Variants in CLVS2 observed in about 807,000 individuals in gnomAD.
CLVS2 encodes clavesin-2.
A neutral mutation model predicts 29.0 loss-of-function variants in CLVS2; 19 were observed. The ratio of observed to expected loss-of-function variants is 0.66; its 90% confidence interval spans 0.46 to 0.96. CLVS2 has a LOEUF of 0.96. Ranked by LOEUF, CLVS2 falls within the 40% of genes least tolerant of loss-of-function variation. CLVS2 has a pLI of 0.00. For synonymous variants in CLVS2, 161 were observed against 151.3 expected (o/e 1.06, Z -0.47); for missense variants, 294 against 404.1 (o/e 0.73, Z 2.34).
rs1448176290 is a variant in CLVS2, at chr6:123,070,896, A to G, written c.*7135A>G. On this transcript the variant is annotated 3_prime_UTR_variant, in exon 6 of 6. Coordinates refer to ENST00000275162, the MANE Select transcript of CLVS2 (RefSeq NM_001010852.4). ...CTGTTCCCTTTGCCTCTAATTTCAG[A>G]TATCCACGTGGTTTATTCCCTCATC... The G allele has an allele frequency of 6.6e-6, 1 of 151,738 alleles. No homozygotes were observed. 9.4% of individuals were successfully genotyped at this position (151,738 alleles called of 1,614,324 possible).
chr6:123,023,567 G>A (rs537508296), intron 3 of CLVS2, among the ~76,000 whole-genome samples: 2 of 152,162 alleles, frequency 1.3e-5, no homozygotes, highest in South Asian at 4.1e-4. Context: ...GATGTACTGT[G>A]ATTTGAGTTT....
intron 3 of CLVS2, among the ~76,000 whole-genome samples, chr6:123,044,227 A>G (rs1775275846): frequency 6.6e-6 from 1 of 152,230 alleles, no homozygotes; most frequent in South Asian, 2.1e-4. Flanking sequence ...AGAACTGTGT[A>G]GCCAGCAAGT....
intron 3 of CLVS2, among the ~76,000 whole-genome samples, chr6:123,037,096 A>C (rs939807205): frequency 3.3e-5 from 5 of 151,840 alleles, no homozygotes; most frequent in African/African-American, 7.3e-5. Flanking sequence ...GCTTTTCTAC[A>C]TCTCTACCGT....
At chr6:123,025,899 A>G (rs1335083929) in intron 3 of CLVS2, among the ~76,000 whole-genome samples, 2 of 152,106 alleles carry the variant, frequency 1.3e-5, no homozygotes, top group African/African-American at 4.8e-5. Flanking sequence ...CTCCCTGATA[A>G]AATTTCTGTA....
In CLVS2 at chr6:123,052,729, G is replaced by A. The variant is rs192448496; in HGVS notation, c.676-3077G>A. Among the ~76,000 whole-genome samples, 29 of 151,058 alleles carry A rather than the reference G, an allele frequency of 1.9e-4. No individual in the cohort carries two copies. The East Asian group carries it at 4.3e-3, about 22-fold the overall frequency. ...GTTGAAAGTTTTGGTCTGAGAAAGTGGAAGAATAGTGACACCATTAACTGA... is the reference window on the plus strand; with the variant it reads ...GTTGAAAGTTTTGGTCTGAGAAAGTAGAAGAATAGTGACACCATTAACTGA... On this transcript the variant is annotated intron_variant, in intron 4 of 5. Coordinates refer to ENST00000275162, the MANE Select transcript of CLVS2 (RefSeq NM_001010852.4).
intron 3 of CLVS2, among the ~76,000 whole-genome samples, chr6:123,023,561 T>C (rs2114324413): frequency 6.6e-6 from 1 of 152,252 alleles, no homozygotes; most frequent in South Asian, 2.1e-4. Context: ...AGAATTGATG[T>C]ACTGTGATTT....
intron 2 of CLVS2, among the ~76,000 whole-genome samples, chr6:123,002,528 C>T (rs1225073193): frequency 6.6e-6 from 1 of 151,628 alleles, no homozygotes; most frequent in Non-Finnish European, 1.5e-5. Flanking sequence ...ATAGACTACA[C>T]AGATGGGCAT....
intron 3 of CLVS2, among the ~76,000 whole-genome samples, chr6:123,025,724 C>G (rs981610073): frequency 7.2e-5 from 11 of 152,162 alleles, no homozygotes; most frequent in African/African-American, 2.2e-4. Flanking sequence ...GTTCAATGCA[C>G]AAGTACAAAT....
intron 4 of CLVS2, among the ~76,000 whole-genome samples, chr6:123,049,870 C>T (rs1488230092): frequency 6.6e-6 from 1 of 151,424 alleles, no homozygotes; most frequent in Non-Finnish European, 1.5e-5. Context: ...ATAGGTGCAG[C>T]ACACCAACAT....
chr6:123,000,833 G>A (rs1331791773), intron 2 of CLVS2, among the ~76,000 whole-genome samples: 2 of 152,168 alleles, frequency 1.3e-5, no homozygotes, highest in African/African-American at 2.4e-5. Flanking sequence ...TTAAAAAGTA[G>A]CCTGTTTTAA....
intron 3 of CLVS2, among the ~76,000 whole-genome samples, chr6:123,037,995 T>A (rs980011982): frequency 6.6e-6 from 1 of 152,152 alleles, no homozygotes; most frequent in African/African-American, 2.4e-5. Context: ...ACTATCCAGG[T>A]AGGCTCCACA....
intron 3 of CLVS2, among the ~76,000 whole-genome samples, chr6:123,023,534 G>A (rs1375248146): frequency 1.3e-5 from 2 of 151,998 alleles, no homozygotes; most frequent in Non-Finnish European, 1.5e-5. Context: ...ACATTCTTAA[G>A]TTATATACAA....
intron 4 of CLVS2, among the ~76,000 whole-genome samples, chr6:123,053,356 C>T (rs1482054712): frequency 6.6e-6 from 1 of 151,946 alleles, no homozygotes; most frequent in Non-Finnish European, 1.5e-5. Context: ...AGCAAACAAA[C>T]AAACAAACAA....
intron 5 of CLVS2, among the ~76,000 whole-genome samples, chr6:123,062,767 A>G (rs1772796528): frequency 6.6e-6 from 1 of 152,240 alleles, no homozygotes; most frequent in Non-Finnish European, 1.5e-5. Flanking sequence ...GCTAAGAGGC[A>G]TATTGCCACA....
In CLVS2 at chr6:123,066,839, T is replaced by C. The variant is rs528986899; in HGVS notation, c.*3078T>C. ...TTATATAGGTGAAATATAGATATCA[T>C]TTGAAGAAGGATATTTAAGGCCTTT... On this transcript the variant is annotated 3_prime_UTR_variant, in exon 6 of 6. Transcript: ENST00000275162. 8.6e-5 allele frequency: 13 copies of C among 151,832 alleles called. No individual in the cohort carries two copies. The highest frequency in any genetic ancestry group is 3.1e-4 in the African/African-American group (13 of 41,518). 9.4% of individuals were successfully genotyped at this position (151,832 alleles called of 1,614,324 possible). A position where few individuals can be genotyped will look rare whatever the true frequency, so the allele number is the denominator to read the frequency against.
chr6:123,008,057 C>G (rs1427347667), intron 2 of CLVS2, among the ~76,000 whole-genome samples: 1 of 152,114 alleles, frequency 6.6e-6, no homozygotes, highest in Admixed American at 6.6e-5. Context: ...CTGTGTAGTA[C>G]TGTTCTGCTG....
intron 3 of CLVS2, among the ~76,000 whole-genome samples, chr6:123,013,757 C>T (rs1328180393): frequency 1.3e-5 from 2 of 151,470 alleles, no homozygotes; most frequent in African/African-American, 2.4e-5. Flanking sequence ...TGTGCTGCAC[C>T]CATTAACTCG....
chr6:123,059,150 T>G (rs1027014768), intron 5 of CLVS2, among the ~76,000 whole-genome samples: 4 of 152,130 alleles, frequency 2.6e-5, no homozygotes, highest in Admixed American at 6.6e-5. Flanking sequence ...CCTGGAATGT[T>G]CTTTTCCTTC....
chr6:123,051,231 G>A (rs1289579377), intron 4 of CLVS2, among the ~76,000 whole-genome samples: 1 of 152,110 alleles, frequency 6.6e-6, no homozygotes, highest in Non-Finnish European at 1.5e-5. Flanking sequence ...ACTCAGGTGT[G>A]CAAGAATCAC....
Sources: allele counts gnomAD v4.1 joint callset (sites outside exome capture counted in the v4.1 genomes callset), GRCh38; gene constraint gnomAD v4.1.1; transcripts MANE v1.5; gene names NCBI Gene and HGNC (gene_info 2026-07-23, HGNC 2026-07-21).